MOCS1: variants seen among roughly 807,000 people sequenced by gnomAD.
MOCS1 encodes molybdenum cofactor synthesis 1.
In MOCS1, 39 loss-of-function variants were observed where a neutral mutation model predicts 57.6. The ratio of observed to expected loss-of-function variants is 0.68; its 90% confidence interval spans 0.52 to 0.88. The LOEUF (loss-of-function observed/expected upper bound fraction) is 0.88, where lower values mean the gene tolerates loss of function less well. Among genes scored for constraint, MOCS1 ranks in the 40% least tolerant of loss-of-function variants. MOCS1 has a pLI of 0.00. For missense variants in MOCS1, 795 were observed against 831.1 expected (o/e 0.96, Z 0.53); for synonymous variants, 334 against 335.7 (o/e 1.00, Z 0.05).
At chr6:39,927,083 A>G (rs1321623550) in intron 2 of MOCS1, 2 of 503,008 alleles carry the variant, frequency 4.0e-6, no homozygotes, top group Admixed American at 6.6e-5. Context: ...CTTAATTCTA[A>G]ATCCAACTGC....
At position 39,927,384 on chromosome 6, in the gene MOCS1, G is replaced by A. The variant is rs765581108; in HGVS notation, c.195C>T (p.Phe65=). 37 of 1,612,702 alleles carry A rather than the reference G, an allele frequency of 2.3e-5. No individual in the cohort carries two copies. The highest frequency in any genetic ancestry group is 8.3e-5 in the Admixed American group (5 of 59,996). ...TCCGCAGGTAGCTGTGCTGCCGGCC[G>A]AAGCTGTCTGTGAGGAAGGCGGAGA... is the stretch of plus-strand genomic sequence containing the variant. ...APFSAFLTDS[F]GRQHSYLRIS... is the part of the protein sequence containing the mutation. The change falls in exon 2 of 11, where the codon TTC becomes TTT. Residue 65 remains phenylalanine, a synonymous_variant. Coordinates refer to ENST00000340692, the MANE Select transcript of MOCS1 (RefSeq NM_001358530.2).
At chr6:39,923,579 C>T (rs73414889) in intron 3 of MOCS1, among the ~76,000 whole-genome samples, 3,538 of 152,378 alleles carry the variant, frequency 0.023, 142 homozygotes, top group African/African-American at 0.08. Flanking sequence ...GATGAGGGGG[C>T]TGGGCCTGGC....
rs1209120948 is a variant in MOCS1, at chr6:39,906,317, G to T, written c.*40C>A. 1 of 1,599,822 alleles carries T rather than the reference G, an allele frequency of 6.3e-7. No homozygotes were observed. Among genetic ancestry groups the T allele is most frequent in the Non-Finnish European group, 8.5e-7 (1 of 1,170,202 alleles). ...TTCCCTCAGCCTACATTGCATCCCA[G>T]CTCCAGGCCTGGGTGGGCCATGGGT... On this transcript the variant is annotated 3_prime_UTR_variant, in exon 11 of 11. Coordinates refer to ENST00000340692, the MANE Select transcript of MOCS1 (RefSeq NM_001358530.2).
At chr6:39,929,939 C>CAAAAAA (rs397948587) in intron 1 of MOCS1, among the ~76,000 whole-genome samples, 36 of 96,700 alleles carry the variant, frequency 3.7e-4, no homozygotes, top group East Asian at 3.7e-3. Flanking sequence ...GAGATTCTCT[C>CAAAAAA]AAAAAAAAAA....
intron 10 of MOCS1, 141 bp from the exon 11 acceptor site, chr6:39,907,258 A>AGTG: frequency 1.1e-6 from 1 of 927,376 alleles, no homozygotes; most frequent in Non-Finnish European, 1.6e-6. Context: ...CAAAAAGCAT[A>AGTG]GTGGGACAAG....
chr6:39,932,851 T>G (rs962571913), intron 1 of MOCS1, among the ~76,000 whole-genome samples: 1 of 152,258 alleles, frequency 6.6e-6, no homozygotes, highest in Non-Finnish European at 1.5e-5. Flanking sequence ...TGACATCCTA[T>G]GAAGTAGACA....
intron 3 of MOCS1, 97 bp from the exon 4 acceptor site, chr6:39,916,329 G>C: frequency 6.8e-7 from 1 of 1,462,432 alleles, no homozygotes; most frequent in South Asian, 1.2e-5. Flanking sequence ...AGACAAGATG[G>C]ATGGAAAAGA....
chr6:39,912,768 G>A lies in MOCS1; in HGVS notation c.870+124C>T, dbSNP rs1767412055. 1.7e-5 allele frequency: 14 copies of A among 825,024 alleles called. No individual in the cohort carries two copies. The South Asian group carries it at 1.9e-4, about 11-fold the overall frequency. 51.1% of individuals were successfully genotyped at this position (825,024 alleles called of 1,614,324 possible). A position where few individuals can be genotyped will look rare whatever the true frequency, so the allele number is the denominator to read the frequency against. ...GGTTGTGATAGCACTGATGCTTCCTGCTTAAATGGTACCATCCCACATCAC... is the reference window on the plus strand; with the variant it reads ...GGTTGTGATAGCACTGATGCTTCCTACTTAAATGGTACCATCCCACATCAC... On this transcript the variant is annotated intron_variant, in intron 7 of 10. Transcript: ENST00000340692.
At chr6:39,911,381 C>T (rs929655460) in intron 8 of MOCS1, among the ~76,000 whole-genome samples, 3 of 152,164 alleles carry the variant, frequency 2.0e-5, no homozygotes, top group Non-Finnish European at 4.4e-5. Flanking sequence ...CCTCTCCTTC[C>T]GCGAACATTA....
At position 39,913,339 on chromosome 6, in the gene MOCS1, G is replaced by A; in HGVS notation, c.735C>T (p.Phe245=). 1 of 1,614,142 alleles carries A rather than the reference G, an allele frequency of 6.2e-7. No homozygotes were observed. ...GACCATCAAAGGGCATATACTCTATGAAGCGCACATCCAGGGGGAGGCCCT... is the reference window on the plus strand; with the variant it reads ...GACCATCAAAGGGCATATACTCTATAAAGCGCACATCCAGGGGGAGGCCCT... ...LTEGLPLDVR[F]IEYMPFDGNK... is the part of the protein sequence containing the mutation. The change falls in exon 6 of 11, where the codon TTC becomes TTT. Residue 245 remains phenylalanine, a synonymous_variant. Coordinates refer to ENST00000340692, the MANE Select transcript of MOCS1 (RefSeq NM_001358530.2).
chr6:39,904,210 C>T lies in MOCS1; in HGVS notation c.*2147G>A, dbSNP rs1176160444. The T allele has an allele frequency of 2.2e-6, 1 of 456,598 alleles. No homozygotes were observed. Among genetic ancestry groups the T allele is most frequent in the African/African-American group, 2.0e-5 (1 of 50,088 alleles). The allele number at this position is 456,598 out of a possible 1,614,324, so 28.3% of individuals were successfully genotyped here. A position where few individuals can be genotyped will look rare whatever the true frequency, so the allele number is the denominator to read the frequency against. On this transcript the variant is annotated 3_prime_UTR_variant, in exon 11 of 11. Coordinates refer to ENST00000340692, the MANE Select transcript of MOCS1 (RefSeq NM_001358530.2). ...ATCTTCAGAAAAGCAGAATTTGGTT[C>T]AACTGTTGACAGAGGACACAAATAC... is the stretch of plus-strand genomic sequence containing the variant.
chr6:39,911,348 T>C (rs1251656483), intron 8 of MOCS1, among the ~76,000 whole-genome samples: 1 of 152,142 alleles, frequency 6.6e-6, no homozygotes, highest in Non-Finnish European at 1.5e-5. Flanking sequence ...CCCAAGGCCT[T>C]CCAGCTACCT....
At position 39,905,186 on chromosome 6, in the gene MOCS1, TG is replaced by T; in HGVS notation, c.*1170del. The T allele has an allele frequency of 2.2e-6, 1 of 454,266 alleles. No individual in the cohort carries two copies. The highest frequency in any genetic ancestry group is 6.9e-5 in the East Asian group (1 of 14,392). 28.1% of individuals were successfully genotyped at this position (454,266 alleles called of 1,614,324 possible). Reference sequence around the variant, plus strand: ...GAGCCCAGCAGGCCAGAACTGTGTGTGTTTGGGATGTGAGAACCAGGAGCCT... The same window carrying T: ...GAGCCCAGCAGGCCAGAACTGTGTGTTTTGGGATGTGAGAACCAGGAGCCT... On this transcript the variant is annotated 3_prime_UTR_variant, in exon 11 of 11. Coordinates refer to ENST00000340692, the MANE Select transcript of MOCS1 (RefSeq NM_001358530.2).
At chr6:39,910,124 G>C (rs368642492) in intron 8 of MOCS1, among the ~76,000 whole-genome samples, 169 bp from the exon 9 acceptor site, 83 of 152,336 alleles carry the variant, frequency 5.4e-4, no homozygotes, top group African/African-American at 1.9e-3. Context: ...AGGGAGGTCA[G>C]AGAGGCTAGA....
At position 39,928,502 on chromosome 6, in the gene MOCS1, G is replaced by C. The variant is rs550308855; in HGVS notation, c.124-1047C>G. ...CTAAATTACTCCCTTCTATCACAGA[G>C]AGAGTCCAAGAAGATAGGGAGGATG... On this transcript the variant is annotated intron_variant, in intron 1 of 10. Coordinates refer to ENST00000340692, the MANE Select transcript of MOCS1 (RefSeq NM_001358530.2). 5.9e-5 allele frequency among the ~76,000 whole-genome samples: 9 copies of C among 152,284 alleles called. No individual in the cohort carries two copies. In the East Asian group the frequency reaches 1.7e-3, roughly 29 times the overall value.
rs752606397 is a variant in MOCS1, at chr6:39,906,273, T to C, written c.*84A>G. 7.8e-4 allele frequency: 1,205 copies of C among 1,548,686 alleles called. 1 individual carries two copies. The highest frequency in any genetic ancestry group is 9.2e-4 in the Middle Eastern group (4 of 4,344). ...CAAGGTAAACAAACAGTGACTGTGA[T>C]TAAAGGAACCTGACGTCTTTCCCTC... On this transcript the variant is annotated 3_prime_UTR_variant, in exon 11 of 11. Transcript: ENST00000340692.
chr6:39,933,560 G>A (rs531997547), intron 1 of MOCS1, among the ~76,000 whole-genome samples: 4 of 152,278 alleles, frequency 2.6e-5, no homozygotes, highest in African/African-American at 9.6e-5. Flanking sequence ...TAAATGAAAA[G>A]AGGTACTTTT....
At chr6:39,924,337 GA>G (rs1162889254) in intron 3 of MOCS1, among the ~76,000 whole-genome samples, 2 of 152,152 alleles carry the variant, frequency 1.3e-5, no homozygotes, top group African/African-American at 4.8e-5. Flanking sequence ...TTCATTCAGC[GA>G]ATTTCAGGGA....
Position 39,906,065 on chromosome 6 carries a change from A to T in MOCS1, c.*292T>A. 1.6e-6 allele frequency: 1 copy of T among 619,140 alleles called. No individual in the cohort carries two copies. Among genetic ancestry groups the T allele is most frequent in the Non-Finnish European group, 3.0e-6 (1 of 333,948 alleles). 38.4% of individuals were successfully genotyped at this position (619,140 alleles called of 1,614,324 possible). A position where few individuals can be genotyped will look rare whatever the true frequency, so the allele number is the denominator to read the frequency against. Reference sequence around the variant, plus strand: ...TTGTCTGAAATAGTCCACAAAGAACATGATTTCTCAGTTATCTGGCATTGC... The same window carrying T: ...TTGTCTGAAATAGTCCACAAAGAACTTGATTTCTCAGTTATCTGGCATTGC... On this transcript the variant is annotated 3_prime_UTR_variant, in exon 11 of 11. Coordinates refer to ENST00000340692, the MANE Select transcript of MOCS1 (RefSeq NM_001358530.2).
Sources: gnomAD v4.1 joint callset for allele counts (sites outside exome capture counted in the v4.1 genomes callset) on GRCh38, gnomAD v4.1.1 for gene constraint, MANE v1.5 for transcripts, NCBI Gene and HGNC (gene_info 2026-07-23, HGNC 2026-07-21) for gene names.